The following SHMT1 variants were observed in gnomAD, a reference collection of about 807,000 sequenced individuals.
SHMT1 encodes the protein serine hydroxymethyltransferase, cytosolic.
In SHMT1, 45 loss-of-function variants were observed where a neutral mutation model predicts 49.0. The observed-to-expected ratio is 0.92, with a 90% CI of 0.72 to 1.18. SHMT1 has a LOEUF of 1.18. SHMT1 is among the 50% of genes most tolerant of loss of function. The pLI, the probability that SHMT1 is intolerant of heterozygous loss-of-function variation, is 0.00. For missense variants in SHMT1, 541 were observed against 612.4 expected (o/e 0.88, Z 1.23); for synonymous variants, 232 against 246.6 (o/e 0.94, Z 0.55).
intron 3 of SHMT1, among the ~76,000 whole-genome samples, chr17:18,353,230 A>G (rs957668243): frequency 1.3e-5 from 2 of 152,266 alleles, no homozygotes; most frequent in African/African-American, 4.8e-5. Flanking sequence ...AAGCCACTGC[A>G]TGTGTAAATC....
intron 3 of SHMT1, among the ~76,000 whole-genome samples, chr17:18,351,108 T>A (rs1172830129): frequency 6.6e-6 from 1 of 151,990 alleles, no homozygotes; most frequent in Non-Finnish European, 1.5e-5. Context: ...ATTAACAAAA[T>A]ATAATGAAAA....
chr17:18,332,782 A>G lies in SHMT1; in HGVS notation c.1054+384T>C, dbSNP rs1046782112. ...TGCACCCCCAGCTCAGCGGGGTGAG[A>G]GAAGACACTCCCCTGGCACAGTGCA... On this transcript the variant is annotated intron_variant, in intron 9 of 11. Transcript: ENST00000316694. 1.2e-5 allele frequency: 4 copies of G among 330,576 alleles called. No homozygotes were observed. The Admixed American group carries it at 1.6e-4, about 13-fold the overall frequency. 20.5% of individuals were successfully genotyped at this position (330,576 alleles called of 1,614,324 possible). A position where few individuals can be genotyped will look rare whatever the true frequency, so the allele number is the denominator to read the frequency against.
rs1984323184 is a variant in SHMT1 at position 18,340,097 on chromosome 17, T to C, written c.760A>G (p.Thr254Ala). ...PFEHCHVVTT[T>A]THKTLRGCRA... ...CAGCCTCGCAGGGTCTTGTGAGTGGTGGTGGTCACCACATGGCAGTGTTCA... is the reference window on the plus strand; with the variant it reads ...CAGCCTCGCAGGGTCTTGTGAGTGGCGGTGGTCACCACATGGCAGTGTTCA... The change falls in exon 7 of 12, where the codon ACC becomes GCC. Residue 254 changes from threonine to alanine, a missense_variant. Transcript: ENST00000316694. The surrounding 1 kb of genome is among the most constrained non-coding windows in gnomAD (Gnocchi z 4.5). 1 of 1,613,992 alleles carries C rather than the reference T, an allele frequency of 6.2e-7. No individual in the cohort carries two copies. Among genetic ancestry groups the C allele is most frequent in the South Asian group, 1.1e-5 (1 of 91,092 alleles).
chr17:18,349,917 G>A (rs1165486345), intron 3 of SHMT1, among the ~76,000 whole-genome samples: 1 of 152,086 alleles, frequency 6.6e-6, no homozygotes, highest in Admixed American at 6.6e-5. Flanking sequence ...CTATTGAGGA[G>A]GCTGAGGTAG....
At chr17:18,333,370 C>T in intron 8 of SHMT1, 82 bp from the exon 9 acceptor site, 1 of 1,402,490 alleles carries the variant, frequency 7.1e-7, no homozygotes, top group Non-Finnish European at 9.9e-7. Context: ...CCTGTTTTTA[C>T]TCAAGCTTCC....
At position 18,339,922 on chromosome 17, in the gene SHMT1, T is replaced by C; in HGVS notation, c.814+121A>G. 3 of 978,052 alleles carry C rather than the reference T, an allele frequency of 3.1e-6. No individual in the cohort carries two copies. In the South Asian group the frequency reaches 4.1e-5, roughly 13 times the overall value. 60.6% of individuals were successfully genotyped at this position (978,052 alleles called of 1,614,324 possible). ...TAAGCAGCTCTTTAAGGGACTGGGA[T>C]CTTAATATTTTCCAAGGATCCCAGG... is the stretch of plus-strand genomic sequence containing the variant. On this transcript the variant is annotated intron_variant, in intron 7 of 11. Coordinates refer to ENST00000316694, the MANE Select transcript of SHMT1 (RefSeq NM_004169.5).
intron 1 of SHMT1, among the ~76,000 whole-genome samples, chr17:18,360,854 G>C (rs1986691275): frequency 6.6e-6 from 1 of 152,064 alleles, no homozygotes; most frequent in Admixed American, 6.6e-5. Flanking sequence ...GCAACATAGG[G>C]AGACCCCGTC....
Position 18,340,725 on chromosome 17 carries a change from G to A in SHMT1, c.601+7C>T, listed in dbSNP as rs370480715. ...TGAACAAGGTGACTTTCCGCCCCGC[G>A]CATCACCTGCGATGATCAGCTTCGG... is the stretch of plus-strand genomic sequence containing the variant. On this transcript the variant is annotated splice_region_variant and intron_variant, in intron 6 of 11. Coordinates refer to ENST00000316694, the MANE Select transcript of SHMT1 (RefSeq NM_004169.5). This position sits in a 1 kb window ranked among gnomAD's most constrained non-coding sequence, Gnocchi z 4.5. The A allele has an allele frequency of 3.2e-4, 516 of 1,608,914 alleles. 1 individual carries two copies. The highest frequency in any genetic ancestry group is 4.2e-4 in the Admixed American group (25 of 59,578).
rs1225688778 is a variant in SHMT1, at chr17:18,330,600, C to T, written c.1126G>A (p.Val376Met). The change falls in exon 10 of 12, where the codon GTG (valine) becomes ATG (methionine). Residue 376 changes from valine to methionine, a missense_variant. By Grantham distance (21) the Val-to-Met change is conservative (BLOSUM62 1). Transcript: ENST00000316694. Reference protein sequence around the residue: ...KGTDGGRAEKVLEACSIACNK... With the variant: ...KGTDGGRAEKMLEACSIACNK... Reference sequence around the variant, plus strand: ...CAGGCAATAGAACAGGCTTCTAGCACCTTCTCAGCCCTTCCACCATCTGTG... The same window carrying T: ...CAGGCAATAGAACAGGCTTCTAGCATCTTCTCAGCCCTTCCACCATCTGTG... 2.5e-6 allele frequency: 4 copies of T among 1,614,192 alleles called. No individual in the cohort carries two copies. Among genetic ancestry groups the T allele is most frequent in the Admixed American group, 3.3e-5 (2 of 60,026 alleles).
chr17:18,339,552 C>A lies in SHMT1; in HGVS notation c.814+491G>T, dbSNP rs545288482. Among the ~76,000 whole-genome samples the A allele has an allele frequency of 1.0e-3, 152 of 151,770 alleles. 1 individual carries two copies. The highest frequency in any genetic ancestry group is 1.7e-3 in the Non-Finnish European group (117 of 67,936). Reference sequence around the variant, plus strand: ...GGCTGACAGTCTCCTTCTGGGGATTCCTTTCTTTCTTTCTTTTTTTTTTTT... The same window carrying A: ...GGCTGACAGTCTCCTTCTGGGGATTACTTTCTTTCTTTCTTTTTTTTTTTT... On this transcript the variant is annotated intron_variant, in intron 7 of 11. Coordinates refer to ENST00000316694, the MANE Select transcript of SHMT1 (RefSeq NM_004169.5).
chr17:18,344,577 GAAAAAAAA>G (rs10655994), intron 5 of SHMT1, among the ~76,000 whole-genome samples: 6 of 65,392 alleles, frequency 9.2e-5, no homozygotes, highest in African/African-American at 3.0e-4. Flanking sequence ...ACAATTACCG[GAAAAAAAA>G]AAAAAAAAAA....
At chr17:18,329,461 C>A (rs1982943141) in intron 10 of SHMT1, 73 bp from the exon 11 acceptor site, 1 of 1,222,316 alleles carries the variant, frequency 8.2e-7, no homozygotes. Context: ...TAAAAAGGGA[C>A]ATGTGGGCAA....
chr17:18,348,456 A>C lies in SHMT1; in HGVS notation c.243-16T>G, dbSNP rs752909420. On this transcript the variant is annotated splice_polypyrimidine_tract_variant and intron_variant, in intron 3 of 11. Coordinates refer to ENST00000316694, the MANE Select transcript of SHMT1 (RefSeq NM_004169.5). Reference sequence around the variant, plus strand: ...GCCATAGTATCTGTGGGAGAAGAGCAGGAGACTTAGATCCACTCAGACCCA... The same window carrying C: ...GCCATAGTATCTGTGGGAGAAGAGCCGGAGACTTAGATCCACTCAGACCCA... 6.4e-7 allele frequency: 1 copy of C among 1,570,156 alleles called. No homozygotes were observed. The highest frequency in any genetic ancestry group is 8.8e-7 in the Non-Finnish European group (1 of 1,139,946).
At chr17:18,358,164 A>AG (rs1986428330) in intron 1 of SHMT1, among the ~76,000 whole-genome samples, 1 of 149,442 alleles carries the variant, frequency 6.7e-6, no homozygotes, top group African/African-American at 2.4e-5. Context: ...AAAAAAAAAA[A>AG]AAGAACTAAA....
chr17:18,335,569 G>A lies in SHMT1; in HGVS notation c.921C>T (p.His307=), dbSNP rs571582007. 1.2e-5 allele frequency: 19 copies of A among 1,605,950 alleles called. No individual in the cohort carries two copies. Among genetic ancestry groups the A allele is most frequent in the African/African-American group, 6.7e-5 (5 of 74,754 alleles). The change falls in exon 8 of 12, where the codon CAC becomes CAT. Residue 307 remains histidine (H), a synonymous_variant. Coordinates refer to ENST00000316694, the MANE Select transcript of SHMT1 (RefSeq NM_004169.5). The part of the protein sequence containing the change: ...FPGLQGGPHN[H]AIAGVAVALK... ...CAGATGATGTTTTACCAGCAATGGC[G>A]TGGTTGTGGGGACCTCCCTGCAGGC...
chr17:18,340,459 A>T lies in SHMT1; in HGVS notation c.602-204T>A. The T allele has an allele frequency of 1.5e-6, 1 of 685,546 alleles. No individual in the cohort carries two copies. The highest frequency in any genetic ancestry group is 2.6e-6 in the Non-Finnish European group (1 of 390,294). The allele number at this position is 685,546 out of a possible 1,614,324, so 42.5% of individuals were successfully genotyped here. ...ACTCTTCAACGTCTTGGTGGTTGAG[A>T]TGGCCCCAACTACTATTGCCAGCGC... On this transcript the variant is annotated intron_variant, in intron 6 of 11. Transcript: ENST00000316694. The surrounding 1 kb of genome is among the most constrained non-coding windows in gnomAD (Gnocchi z 4.5).
intron 2 of SHMT1, among the ~76,000 whole-genome samples, chr17:18,354,153 C>T (rs1299223934): frequency 5.3e-5 from 8 of 152,174 alleles, no homozygotes; most frequent in Admixed American, 4.6e-4. Flanking sequence ...CGTGGTGGCT[C>T]ACGCCTGTAA....
At chr17:18,351,847 G>T (rs116519785) in intron 3 of SHMT1, among the ~76,000 whole-genome samples, 8 of 151,516 alleles carry the variant, frequency 5.3e-5, no homozygotes, top group East Asian at 1.9e-4. Context: ...GTTTTTCGGG[G>T]TTTTTTTTAA....
intron 8 of SHMT1, among the ~76,000 whole-genome samples, chr17:18,335,082 CAAAG>C (rs1221444030): frequency 6.6e-6 from 1 of 152,346 alleles, no homozygotes; most frequent in East Asian, 1.9e-4. Flanking sequence ...TACAAAGAGA[CAAAG>C]AGCAAGTCAA....
Sources: gnomAD v4.1 joint callset for allele counts (sites outside exome capture counted in the v4.1 genomes callset) on GRCh38, gnomAD v4.1.1 for gene constraint, Gnocchi (gnomAD v3.1) non-coding constraint, MANE v1.5 for transcripts, NCBI Gene and HGNC (gene_info 2026-07-23, HGNC 2026-07-21) for gene names.